The following TFDP1 variants were observed in gnomAD, a reference collection of about 807,000 sequenced individuals.
TFDP1 encodes the protein DRTF1-polypeptide 1.
TFDP1 carries 6 observed loss-of-function variants against 48.0 expected under a neutral mutation model. The observed-to-expected ratio is 0.13, with a 90% confidence interval of 0.07 to 0.25. The LOEUF is 0.25. Among genes scored for constraint, TFDP1 ranks in the 10% least tolerant of loss-of-function variants. TFDP1 has a pLI of 1.00. For synonymous variants in TFDP1, 201 were observed against 211.6 expected, an observed-to-expected ratio of 0.95 and a Z score of 0.44; for missense variants, 335 against 543.0, an observed-to-expected ratio of 0.62 and a Z score of 3.81.
intron 2 of TFDP1, among the ~76,000 whole-genome samples, chr13:113,595,778 C>T (rs2140304694): frequency 1.3e-5 from 2 of 152,356 alleles, no homozygotes; most frequent in Middle Eastern, 6.8e-3. Context: ...CATTTACTTC[C>T]TCTCCTTGAA....
In TFDP1 at chr13:113,621,405, C is replaced by G. The variant is rs555763176; in HGVS notation, c.80-1775C>G. On this transcript the variant is annotated intron_variant, in intron 3 of 11. Transcript: ENST00000375370. Reference sequence around the variant, plus strand: ...CCACCCAGGTGCCGAGGCAAGAGACCGAGGACACGAGCTGTTCCAGTATAA... The same window carrying G: ...CCACCCAGGTGCCGAGGCAAGAGACGGAGGACACGAGCTGTTCCAGTATAA... Among the ~76,000 whole-genome samples, 6 of 152,198 alleles carry G rather than the reference C, an allele frequency of 3.9e-5. No homozygotes were observed. The South Asian group carries it at 1.2e-3, about 32-fold the overall frequency.
chr13:113,592,172 C>T (rs778374654), intron 2 of TFDP1, among the ~76,000 whole-genome samples: 1 of 151,922 alleles, frequency 6.6e-6, no homozygotes. Flanking sequence ...TTGTTTGTTT[C>T]GAGACGGAGT....
At chr13:113,616,889 C>G in intron 3 of TFDP1, among the ~76,000 whole-genome samples, 1 of 152,194 alleles carries the variant, frequency 6.6e-6, no homozygotes, top group Non-Finnish European at 1.5e-5. Flanking sequence ...TCAGCTTTTT[C>G]TCTCTTTGTA....
rs1161098597 is a variant in TFDP1 at position 113,633,114 on chromosome 13, T to C, written c.309-6T>C. On this transcript the variant is annotated splice_region_variant and splice_polypyrimidine_tract_variant and intron_variant, in intron 5 of 11. Transcript: ENST00000375370. This position sits in a 1 kb window ranked among gnomAD's most constrained non-coding sequence, Gnocchi z 4.5. ...AGTCGCTTCTCTTTTCCTTTGTATT[T>C]TGAAGGAAGCGCAACAGGAAAGGAG... 1 of 1,613,982 alleles carries C rather than the reference T, an allele frequency of 6.2e-7. No individual in the cohort carries two copies. Among genetic ancestry groups the C allele is most frequent in the Admixed American group, 1.7e-5 (1 of 59,988 alleles).
At chr13:113,592,710 A>T (rs935730593) in intron 2 of TFDP1, among the ~76,000 whole-genome samples, 1 of 152,250 alleles carries the variant, frequency 6.6e-6, no homozygotes, top group Non-Finnish European at 1.5e-5. Context: ...CAGCATTGCC[A>T]ACACATCCCT....
chr13:113,588,154 A>G (rs1348282291), intron 2 of TFDP1, among the ~76,000 whole-genome samples: 2 of 152,260 alleles, frequency 1.3e-5, no homozygotes, highest in African/African-American at 4.8e-5. Flanking sequence ...CCAGCCCACC[A>G]GTTAGGTTTT....
At chr13:113,605,878 G>A (rs946855320) in intron 2 of TFDP1, among the ~76,000 whole-genome samples, 3 of 142,206 alleles carry the variant, frequency 2.1e-5, no homozygotes, top group African/African-American at 5.8e-5. Context: ...GTGGGAAGGC[G>A]GTGCGGTGAT....
intron 3 of TFDP1, among the ~76,000 whole-genome samples, chr13:113,621,338 C>CATA (rs1368406955): frequency 6.6e-6 from 1 of 152,228 alleles, no homozygotes; most frequent in East Asian, 1.9e-4. Context: ...GGGGGCTATC[C>CATA]GCTCAGCTCC....
chr13:113,636,637 T>C lies in TFDP1; in HGVS notation c.943T>C (p.Ser315Pro). ...MACGLESGSC[S>P]AEDLKMARSL... Reference sequence around the variant, plus strand: ...TTGCGGGCTGGAGTCGGGGAGCTGCTCTGCCGAAGACCTTAAAATGGCCAG... The same window carrying C: ...TTGCGGGCTGGAGTCGGGGAGCTGCCCTGCCGAAGACCTTAAAATGGCCAG... Residue 315 changes from serine to proline, a missense_variant, in exon 10 of 12, where the codon TCT (serine) becomes CCT (proline). Physicochemically the swap from Ser to Pro is moderately conservative, Grantham distance 74. Around this residue, in one of 3 missense-constraint regions of TFDP1, gnomAD observed 204 missense variants for 287.1 expected, o/e 0.71. Coordinates refer to ENST00000375370, the MANE Select transcript of TFDP1 (RefSeq NM_007111.5). 6.2e-7 allele frequency: 1 copy of C among 1,613,220 alleles called. No homozygotes were observed. The highest frequency in any genetic ancestry group is 8.5e-7 in the Non-Finnish European group (1 of 1,180,030).
chr13:113,617,943 T>C (rs574528124), intron 3 of TFDP1, among the ~76,000 whole-genome samples: 4 of 152,376 alleles, frequency 2.6e-5, no homozygotes, highest in Non-Finnish European at 5.9e-5. Context: ...TTATAGCAAC[T>C]GAGACCATAT....
chr13:113,628,952 G>T (rs1421835989), intron 4 of TFDP1, among the ~76,000 whole-genome samples: 2 of 152,210 alleles, frequency 1.3e-5, no homozygotes, highest in Admixed American at 1.3e-4. Context: ...ACAGGCGGCC[G>T]GCCCGAGTTC....
At position 113,627,724 on chromosome 13, in the gene TFDP1, A is replaced by ATT. The variant is rs1251287958; in HGVS notation, c.187-3899_187-3898insTT. Among the ~76,000 whole-genome samples the ATT allele has an allele frequency of 0.025, 3,741 of 152,190 alleles. 153 individuals carry two copies. Among genetic ancestry groups the ATT allele is most frequent in the African/African-American group, 0.086 (3,551 of 41,484 alleles). On this transcript the variant is annotated intron_variant, in intron 4 of 11. Coordinates refer to ENST00000375370, the MANE Select transcript of TFDP1 (RefSeq NM_007111.5). This position sits in a 1 kb window ranked among gnomAD's most constrained non-coding sequence, Gnocchi z 4.1. The stretch of plus-strand genomic sequence containing the variant: ...CCCAGCATTAGGTTCTCAGGAGCGC[A>ATT]AACCCCACTGTGAACGGCACATGCA...
At position 113,594,732 on chromosome 13, in the gene TFDP1, G is replaced by A. The variant is rs571776699; in HGVS notation, c.12+8883G>A. Among the ~76,000 whole-genome samples the A allele has an allele frequency of 2.6e-4, 39 of 152,350 alleles. No individual in the cohort carries two copies. In the South Asian group the frequency reaches 7.2e-3, roughly 28 times the overall value. On this transcript the variant is annotated intron_variant, in intron 2 of 11. Transcript: ENST00000375370. ...TGCGTGTGCTGGTTGCTGCACCAGC[G>A]GGCTTTTCTGTCGCAGTTGCTTTTT...
At chr13:113,593,170 C>G (rs2048190266) in intron 2 of TFDP1, among the ~76,000 whole-genome samples, 2 of 112,626 alleles carry the variant, frequency 1.8e-5, no homozygotes, top group Non-Finnish European at 1.8e-5. Context: ...TGGGTCCTCA[C>G]CCTGCCCAGG....
intron 2 of TFDP1, among the ~76,000 whole-genome samples, chr13:113,596,347 CT>C (rs2048289292): frequency 6.6e-6 from 1 of 152,184 alleles, no homozygotes; most frequent in Admixed American, 6.5e-5. Context: ...GCCATTCCTG[CT>C]TTAGGGCATC....
At position 113,598,860 on chromosome 13, in the gene TFDP1, C is replaced by T. The variant is rs1488429156; in HGVS notation, c.13-12136C>T. ...GGCACCACCCTCGCCTGCAGCTCAT[C>T]ACCTCTGGATGGATCTTGTTAGGTG... On this transcript the variant is annotated intron_variant, in intron 2 of 11. Transcript: ENST00000375370. The surrounding 1 kb of genome is among the most constrained non-coding windows in gnomAD (Gnocchi z 4.2). Among the ~76,000 whole-genome samples the T allele has an allele frequency of 1.3e-5, 2 of 152,234 alleles. No homozygotes were observed. Among genetic ancestry groups the T allele is most frequent in the Non-Finnish European group, 2.9e-5 (2 of 68,048 alleles).
chr13:113,625,569 T>C (rs1214854022), intron 4 of TFDP1, among the ~76,000 whole-genome samples: 3 of 87,910 alleles, frequency 3.4e-5, no homozygotes, highest in East Asian at 3.4e-4. Context: ...GTCTCTCACG[T>C]GTCCTCAGGT....
rs182087551 is a variant in TFDP1, at chr13:113,605,393, C to T, written c.13-5603C>T. On this transcript the variant is annotated intron_variant, in intron 2 of 11. Coordinates refer to ENST00000375370, the MANE Select transcript of TFDP1 (RefSeq NM_007111.5). ...CTTTTTTTTAATGTTCTAGAGAAAA[C>T]TCTTTAACTGCTGTATTACTTATCT... Among the ~76,000 whole-genome samples, 41 of 152,220 alleles carry T rather than the reference C, an allele frequency of 2.7e-4. No individual in the cohort carries two copies. The East Asian group carries it at 7.7e-3, about 29-fold the overall frequency.
chr13:113,633,354 T>C lies in TFDP1; in HGVS notation c.474+69T>C. 5.5e-6 allele frequency: 5 copies of C among 913,806 alleles called. No homozygotes were observed. In the South Asian group the frequency reaches 5.9e-5, roughly 11 times the overall value. 56.6% of individuals were successfully genotyped at this position (913,806 alleles called of 1,614,324 possible). A position where few individuals can be genotyped will look rare whatever the true frequency, so the allele number is the denominator to read the frequency against. ...AGCGGTGTGGTACGTTTCGCTCTTTTAATATCGGGAACAGTTAAAACCATA... is the reference window on the plus strand; with the variant it reads ...AGCGGTGTGGTACGTTTCGCTCTTTCAATATCGGGAACAGTTAAAACCATA... On this transcript the variant is annotated intron_variant, in intron 6 of 11. Transcript: ENST00000375370. The surrounding 1 kb of genome is among the most constrained non-coding windows in gnomAD (Gnocchi z 4.5).
Sources: gnomAD v4.1 joint callset for allele counts (sites outside exome capture counted in the v4.1 genomes callset) on GRCh38, gnomAD v4.1.1 for gene constraint, gnomAD v4.1.1 regional missense constraint, Gnocchi (gnomAD v3.1) non-coding constraint, MANE v1.5 for transcripts, NCBI Gene and HGNC (gene_info 2026-07-23, HGNC 2026-07-21) for gene names.